The following GIMD1 variants were observed in gnomAD, a reference collection of about 807,000 sequenced individuals.
GIMD1 encodes GIMAP family P-loop NTPase domain containing 1.
In GIMD1, 14 loss-of-function variants were observed where a neutral mutation model predicts 14.9. The ratio of observed to expected loss-of-function variants is 0.94; its 90% CI spans 0.62 to 1.47. The LOEUF (loss-of-function observed/expected upper bound fraction) is 1.47. Ranked by LOEUF, GIMD1 falls within the 40% of genes most tolerant of loss-of-function variation. GIMD1 has a pLI of 0.00. For synonymous variants in GIMD1, 91 were observed against 90.5 expected, an observed-to-expected ratio of 1.01 and a Z score of -0.03; for missense variants, 272 against 255.3, an observed-to-expected ratio of 1.07 and a Z score of -0.44.
intron 2 of GIMD1, among the ~76,000 whole-genome samples, chr4:106,363,444 T>C (rs1474442222): frequency 6.6e-6 from 1 of 152,132 alleles, no homozygotes; most frequent in African/African-American, 2.4e-5. Flanking sequence ...TATCCAGTAG[T>C]TCATTTGAAT....
chr4:106,359,424 G>A (rs1243094623), intron 2 of GIMD1, among the ~76,000 whole-genome samples: 1 of 151,710 alleles, frequency 6.6e-6, no homozygotes, highest in African/African-American at 2.4e-5. Flanking sequence ...AAGAAAGAAA[G>A]AAAGGAGAAA....
At chr4:106,368,234 C>T (rs1770735824) in intron 1 of GIMD1, among the ~76,000 whole-genome samples, 1 of 152,062 alleles carries the variant, frequency 6.6e-6, no homozygotes, top group South Asian at 2.1e-4. Context: ...AGAATCTATT[C>T]CATGTACAAT....
At chr4:106,363,214 T>C (rs1770640071) in intron 2 of GIMD1, among the ~76,000 whole-genome samples, 1 of 152,148 alleles carries the variant, frequency 6.6e-6, no homozygotes, top group Admixed American at 6.6e-5. Flanking sequence ...TGGCCAGAGC[T>C]ATTTGCTGTG....
chr4:106,367,879 A>G (rs1770728745), intron 1 of GIMD1, among the ~76,000 whole-genome samples: 1 of 152,178 alleles, frequency 6.6e-6, no homozygotes, highest in Non-Finnish European at 1.5e-5. Context: ...ACAGTAGAAG[A>G]AACAACCCTT....
intron 1 of GIMD1, among the ~76,000 whole-genome samples, chr4:106,368,480 CT>C (rs1211420704): frequency 2.6e-5 from 4 of 152,146 alleles, no homozygotes; most frequent in African/African-American, 9.7e-5. Context: ...TTTAATGCCC[CT>C]CACTCCATTA....
intron 1 of GIMD1, among the ~76,000 whole-genome samples, chr4:106,368,501 G>A (rs1015637781): frequency 3.3e-5 from 5 of 152,012 alleles, no homozygotes; most frequent in African/African-American, 4.8e-5. Context: ...ATACCCACAC[G>A]CTAACGTGAA....
chr4:106,361,154 G>A (rs1770607040), intron 2 of GIMD1, among the ~76,000 whole-genome samples: 1 of 151,944 alleles, frequency 6.6e-6, no homozygotes, highest in Non-Finnish European at 1.5e-5. Context: ...AATATTTATT[G>A]AGGGTCTACT....
At chr4:106,365,926 T>TGTACACACAC (rs1260259322) in intron 2 of GIMD1, among the ~76,000 whole-genome samples, 11 of 144,008 alleles carry the variant, frequency 7.6e-5, no homozygotes, top group East Asian at 2.1e-4. Flanking sequence ...CACACACACA[T>TGTACACACAC]GTACACACAC....
Position 106,358,203 on chromosome 4 carries a change from G to A in GIMD1, c.634C>T (p.Gln212Ter), listed in dbSNP as rs768299778. ...IMEFIKENCY[Q>*]VLTFK is the part of the protein sequence containing the mutation. ...AAATTTTATTTAAATGTAAGAACTT[G>A]GTAACAGTTCTCTTTTATAAATTCC... The change falls in exon 3 of 3, where the codon CAA (glutamine) becomes TAA (stop). Residue 212 changes from glutamine to a stop codon, truncating the protein, a stop_gained. Coordinates refer to ENST00000638719, the MANE Select transcript of GIMD1 (RefSeq NM_001195138.2). LOFTEE classifies it high-confidence loss of function. 9 of 1,492,834 alleles carry A rather than the reference G, an allele frequency of 6.0e-6. No individual in the cohort carries two copies. The highest frequency in any genetic ancestry group is 2.2e-5 in the Admixed American group (1 of 45,486). The allele number at this position is 1,492,834 out of a possible 1,614,324, so 92.5% of individuals were successfully genotyped here. A position where few individuals can be genotyped will look rare whatever the true frequency, so the allele number is the denominator to read the frequency against.
At chr4:106,360,873 C>A (rs990792895) in intron 2 of GIMD1, among the ~76,000 whole-genome samples, 21 of 152,164 alleles carry the variant, frequency 1.4e-4, no homozygotes, top group Non-Finnish European at 3.1e-4. Flanking sequence ...AGACTTCTAG[C>A]CTCCAGAACT....
At chr4:106,362,100 C>A (rs1770621840) in intron 2 of GIMD1, among the ~76,000 whole-genome samples, 1 of 152,002 alleles carries the variant, frequency 6.6e-6, no homozygotes, top group Admixed American at 6.6e-5. Flanking sequence ...TTGTAAGTGC[C>A]ATGCCACTTA....
At chr4:106,361,502 T>C (rs1463501150) in intron 2 of GIMD1, among the ~76,000 whole-genome samples, 1 of 152,046 alleles carries the variant, frequency 6.6e-6, no homozygotes, top group Non-Finnish European at 1.5e-5. Flanking sequence ...ATTGAGATTG[T>C]ACAGCATTGA....
Position 106,358,435 on chromosome 4 carries a change from A to C in GIMD1, c.402T>G (p.Leu134=). The change falls in exon 3 of 3, where the codon CTT becomes CTG. Residue 134 remains leucine, a synonymous_variant. Transcript: ENST00000638719. ...CTGTGTAATTCATCCAAGCATGTCCAAGAAGTTCCTGAAAGAGAGAAGTTA... is the reference window on the plus strand; with the variant it reads ...CTGTGTAATTCATCCAAGCATGTCCCAGAAGTTCCTGAAAGAGAGAAGTTA... ...TDPVQMIQEL[L]GHAWMNYTAI... is the part of the protein sequence containing the mutation. 1 of 1,508,348 alleles carries C rather than the reference A, an allele frequency of 6.6e-7. No homozygotes were observed. Among genetic ancestry groups the C allele is most frequent in the Non-Finnish European group, 8.8e-7 (1 of 1,138,636 alleles). The allele number at this position is 1,508,348 out of a possible 1,614,324, so 93.4% of individuals were successfully genotyped here. A position where few individuals can be genotyped will look rare whatever the true frequency, so the allele number is the denominator to read the frequency against.
intron 2 of GIMD1, among the ~76,000 whole-genome samples, chr4:106,366,309 A>G (rs966627703): frequency 6.6e-6 from 1 of 152,048 alleles, no homozygotes; most frequent in African/African-American, 2.4e-5. Context: ...CCTCTTTTTC[A>G]TTATACTACT....
intron 2 of GIMD1, among the ~76,000 whole-genome samples, chr4:106,362,656 C>T (rs1345956094): frequency 6.6e-6 from 1 of 151,878 alleles, no homozygotes; most frequent in African/African-American, 2.4e-5. Context: ...TAGGGTGAAA[C>T]AAACAAACAA....
In GIMD1 at chr4:106,367,414, T is replaced by C; in HGVS notation, c.22A>G (p.Ile8Val). The change falls in exon 2 of 3, where the codon ATC (isoleucine) becomes GTC (valine). Residue 8 changes from isoleucine to valine, a missense_variant. Ile to Val is a conservative substitution (Grantham distance 29, BLOSUM62 3). Coordinates refer to ENST00000638719, the MANE Select transcript of GIMD1 (RefSeq NM_001195138.2). MTDPNKM[I>V]INLALFGMTQ... Reference sequence around the variant, plus strand: ...ATGCCAAAGAGGGCCAAGTTGATGATCATCTTGTTGGGGTCTGTCATGGCT... The same window carrying C: ...ATGCCAAAGAGGGCCAAGTTGATGACCATCTTGTTGGGGTCTGTCATGGCT... 1.3e-6 allele frequency: 2 copies of C among 1,534,176 alleles called. No homozygotes were observed. Among genetic ancestry groups the C allele is most frequent in the Non-Finnish European group, 1.7e-6 (2 of 1,145,596 alleles).
At chr4:106,363,788 T>C (rs1770649972) in intron 2 of GIMD1, among the ~76,000 whole-genome samples, 1 of 150,454 alleles carries the variant, frequency 6.6e-6, no homozygotes, top group Non-Finnish European at 1.5e-5. Context: ...TGTAAACACA[T>C]TCGTCTGCAA....
chr4:106,363,906 A>G (rs1437756077), intron 2 of GIMD1, among the ~76,000 whole-genome samples: 21 of 144,198 alleles, frequency 1.5e-4, no homozygotes, highest in Admixed American at 8.5e-4. Context: ...GCGGAAATGG[A>G]CCATAGGCAA....
rs1229517183 is a variant in GIMD1 at position 106,367,127 on chromosome 4, C to T, written c.309G>A (p.Gly103=). 2.0e-6 allele frequency: 3 copies of T among 1,533,620 alleles called. No homozygotes were observed. Among genetic ancestry groups the T allele is most frequent in the African/African-American group, 1.4e-5 (1 of 72,886 alleles). The stretch of plus-strand genomic sequence containing the variant: ...GAACCAGGAGTGCAAGGTGGAGACC[C>T]CCTTGCCCGAAGTGATGTGCCAGAG... The part of the protein sequence containing the change: ...KEALAHHFGQ[G]GLHLALLVQR... The change falls in exon 2 of 3, where the codon GGG becomes GGA. Residue 103 remains glycine, a synonymous_variant. Transcript: ENST00000638719.
Sources: gnomAD v4.1 joint callset for allele counts (sites outside exome capture counted in the v4.1 genomes callset) on GRCh38, gnomAD v4.1.1 for gene constraint, MANE v1.5 for transcripts, NCBI Gene and HGNC (gene_info 2026-07-23, HGNC 2026-07-21) for gene names.